DOCK2: variants seen among roughly 807,000 people sequenced by gnomAD.
The protein encoded by DOCK2 is dedicator of cytokinesis 2.
In DOCK2, 87 loss-of-function variants were observed where a neutral mutation model predicts 248.9. The ratio of observed to expected loss-of-function variants is 0.35; its 90% CI spans 0.29 to 0.42. DOCK2 has a LOEUF of 0.42. DOCK2 is among the 10% of genes least tolerant of loss of function. The pLI is 1.00. For synonymous variants in DOCK2, 805 were observed against 821.6 expected (o/e 0.98, Z 0.35); for missense variants, 1,747 against 2,300.2 (o/e 0.76, Z 4.92).
intron 44 of DOCK2, among the ~76,000 whole-genome samples, chr5:170,067,309 T>A (rs532946537): frequency 6.6e-6 from 1 of 152,056 alleles, no homozygotes; most frequent in Non-Finnish European, 1.5e-5. Context: ...AATCCCTTTC[T>A]CACTAAGCAG....
Position 170,008,531 on chromosome 5 carries a change from T to G in DOCK2, c.3107T>G (p.Phe1036Cys). The G allele has an allele frequency of 6.2e-7, 1 of 1,614,124 alleles. No individual in the cohort carries two copies. Among genetic ancestry groups the G allele is most frequent in the Non-Finnish European group, 8.5e-7 (1 of 1,179,962 alleles). Reference protein sequence around the residue: ...WNNYFHLAVAFITQDSLQLEQ... With the variant: ...WNNYFHLAVACITQDSLQLEQ... ...AACTATTTTCATCTGGCAGTGGCTTTTATCACCCAGGATTCTCTGCAGCTG... is the reference window on the plus strand; with the variant it reads ...AACTATTTTCATCTGGCAGTGGCTTGTATCACCCAGGATTCTCTGCAGCTG... The change falls in exon 31 of 52, where the codon TTT becomes TGT. Residue 1036 changes from phenylalanine to cysteine, a missense_variant. Physicochemically the swap from Phe to Cys is radical, Grantham distance 205. Transcript: ENST00000520908.
intron 30 of DOCK2, among the ~76,000 whole-genome samples, chr5:170,004,582 A>G (rs1262073968): frequency 6.6e-6 from 1 of 151,640 alleles, no homozygotes; most frequent in Non-Finnish European, 1.5e-5. Flanking sequence ...TACCCAAATG[A>G]CTATAAATCA....
At chr5:170,002,323 G>A (rs1754865708) in intron 30 of DOCK2, among the ~76,000 whole-genome samples, 1 of 151,992 alleles carries the variant, frequency 6.6e-6, no homozygotes, top group African/African-American at 2.4e-5. Flanking sequence ...AGAATACAAT[G>A]TAGCAATAAA....
intron 11 of DOCK2, 69 bp downstream of exon 11, chr5:169,698,518 C>T: frequency 6.5e-7 from 1 of 1,536,788 alleles, no homozygotes; most frequent in Non-Finnish European, 9.0e-7. Flanking sequence ...TGCTGGAGCT[C>T]AGAGGGTACC....
In DOCK2 at chr5:169,841,317, G is replaced by A. The variant is rs142132801; in HGVS notation, c.2799+465G>A. 147 of 990,806 alleles carry A rather than the reference G, an allele frequency of 1.5e-4. 1 individual carries two copies. The African/African-American group carries it at 2.3e-3, about 16-fold the overall frequency. The allele number at this position is 990,806 out of a possible 1,614,324, so 61.4% of individuals were successfully genotyped here. A position where few individuals can be genotyped will look rare whatever the true frequency, so the allele number is the denominator to read the frequency against. Reference sequence around the variant, plus strand: ...ATTCAAGGTCATTACTACATATTGAGCTATTCTTCTGCATAAACAGTATGT... The same window carrying A: ...ATTCAAGGTCATTACTACATATTGAACTATTCTTCTGCATAAACAGTATGT... On this transcript the variant is annotated intron_variant, in intron 27 of 51. Coordinates refer to ENST00000520908, the MANE Select transcript of DOCK2 (RefSeq NM_004946.3).
At chr5:169,716,358 G>A in intron 20 of DOCK2, 56 bp downstream of exon 20, 4 of 1,562,270 alleles carry the variant, frequency 2.6e-6, no homozygotes, top group African/African-American at 1.4e-5. Flanking sequence ...ATGTCTTACT[G>A]TGAAAATACT....
At chr5:169,761,465 C>A in intron 24 of DOCK2, 54 bp from the exon 25 acceptor site, 3 of 1,463,070 alleles carry the variant, frequency 2.1e-6, no homozygotes, top group South Asian at 1.1e-5. Flanking sequence ...GTGCTATGAG[C>A]TGGGAGACAT....
At chr5:169,759,874 T>C in intron 24 of DOCK2, 99 bp downstream of exon 24, 2 of 1,329,114 alleles carry the variant, frequency 1.5e-6, no homozygotes, top group South Asian at 2.4e-5. Flanking sequence ...GGCACTCAGC[T>C]TGGGGATGGG....
intron 22 of DOCK2, among the ~76,000 whole-genome samples, chr5:169,746,249 A>G (rs1368327416): frequency 6.6e-6 from 1 of 152,140 alleles, no homozygotes; most frequent in African/African-American, 2.4e-5. Flanking sequence ...AGTGATTGAC[A>G]CTCAAGAAGA....
chr5:169,717,306 G>A, intron 20 of DOCK2, 78 bp from the exon 21 acceptor site: 1 of 1,167,396 alleles, frequency 8.6e-7, no homozygotes, highest in Non-Finnish European at 1.3e-6. Flanking sequence ...TTTTAATGGG[G>A]GTTGAATTAT....
intron 22 of DOCK2, among the ~76,000 whole-genome samples, chr5:169,735,804 T>C (rs527800292): frequency 6.6e-6 from 1 of 152,212 alleles, no homozygotes; most frequent in East Asian, 1.9e-4. Flanking sequence ...CCTGGGTAAT[T>C]TATGAAGAAA....
intron 25 of DOCK2, among the ~76,000 whole-genome samples, chr5:169,781,786 C>T (rs553085304): frequency 6.6e-6 from 1 of 152,166 alleles, no homozygotes; most frequent in Non-Finnish European, 1.5e-5. Context: ...CCCCCTCTCC[C>T]GCCCCCACAG....
At chr5:169,953,926 A>G (rs1259079605) in intron 27 of DOCK2, among the ~76,000 whole-genome samples, 1 of 152,194 alleles carries the variant, frequency 6.6e-6, no homozygotes, top group Non-Finnish European at 1.5e-5. Context: ...TACCTCAAGA[A>G]TTGTCTCACC....
rs537930325 is a variant in DOCK2, at chr5:169,681,166, G to A, written c.471-578G>A. 1.2e-4 allele frequency among the ~76,000 whole-genome samples: 15 copies of A among 123,894 alleles called. No homozygotes were observed. The East Asian group carries it at 2.4e-3, about 20-fold the overall frequency. The allele number at this position is 123,894 out of a possible 152,430, so 81.3% of individuals were successfully genotyped here. A position where few individuals can be genotyped will look rare whatever the true frequency, so the allele number is the denominator to read the frequency against. Reference sequence around the variant, plus strand: ...TGAGATGGAGTCTCGCTCTGTCACCGAGGCTGGAGTGCAGTGGTGCAATCT... The same window carrying A: ...TGAGATGGAGTCTCGCTCTGTCACCAAGGCTGGAGTGCAGTGGTGCAATCT... On this transcript the variant is annotated intron_variant, in intron 6 of 51. Coordinates refer to ENST00000520908, the MANE Select transcript of DOCK2 (RefSeq NM_004946.3).
At chr5:169,717,124 TAAGA>T (rs146599399) in intron 20 of DOCK2, among the ~76,000 whole-genome samples, 3,379 of 152,292 alleles carry the variant, frequency 0.022, 130 homozygotes, top group African/African-American at 0.077. Flanking sequence ...AGTTTTGCAA[TAAGA>T]AAGTCTAATA....
At chr5:169,653,455 C>CTCCT (rs1407219911) in intron 1 of DOCK2, among the ~76,000 whole-genome samples, 1 of 152,166 alleles carries the variant, frequency 6.6e-6, no homozygotes, top group African/African-American at 2.4e-5. Flanking sequence ...AGTCTGGAGA[C>CTCCT]GTAGCTACTG....
At chr5:169,665,364 T>C (rs377766253) in intron 2 of DOCK2, among the ~76,000 whole-genome samples, 26 of 149,152 alleles carry the variant, frequency 1.7e-4, no homozygotes, top group East Asian at 3.9e-4. Flanking sequence ...ATCAGCATAT[T>C]TATATATGTT....
At chr5:169,753,974 T>C (rs963585706) in intron 23 of DOCK2, among the ~76,000 whole-genome samples, 1 of 152,216 alleles carries the variant, frequency 6.6e-6, no homozygotes, top group African/African-American at 2.4e-5. Context: ...AGTACTTGTT[T>C]TGAATGCCTG....
chr5:169,881,281 CT>C, intron 27 of DOCK2: 1 of 1,139,914 alleles, frequency 8.8e-7, no homozygotes. Context: ...CCTCTCTTGA[CT>C]TTTTGCATTT....
Sources: allele counts gnomAD v4.1 joint callset (sites outside exome capture counted in the v4.1 genomes callset), GRCh38; gene constraint gnomAD v4.1.1; transcripts MANE v1.5; gene names NCBI Gene and HGNC (gene_info 2026-07-23, HGNC 2026-07-21).